GCN1: variants seen among roughly 807,000 people sequenced by gnomAD.
GCN1 encodes the protein stalled ribosome sensor GCN1.
Under a neutral mutation model 288.4 loss-of-function variants are expected in GCN1, and 90 were observed. That is an observed-to-expected ratio of 0.31 (90% CI 0.26 to 0.37). The LOEUF (loss-of-function observed/expected upper bound fraction) is 0.37, where lower values mean the gene tolerates loss of function less well. GCN1 is among the 10% of genes least tolerant of loss of function. The probability of loss-of-function intolerance (pLI) is 1.00; values close to 1 mark genes in which losing one functional copy is unlikely to be tolerated. For missense variants in GCN1, 2,586 were observed against 3,419.9 expected (o/e 0.76, Z 6.08); for synonymous variants, 1,386 against 1,420.2 (o/e 0.98, Z 0.54).
rs185561065 is a variant in GCN1, at chr12:120,163,716, C to G, written c.1849-457G>C. On this transcript the variant is annotated intron_variant, in intron 18 of 57. Transcript: ENST00000300648. ...TTCATATGACACAAGAATAACAAGC[C>G]CTATTTGCCTTTGAAACGCATTGTT... 2.4e-3 allele frequency among the ~76,000 whole-genome samples: 359 copies of G among 152,150 alleles called. 1 individual carries two copies. The highest frequency in any genetic ancestry group is 3.6e-3 in the Non-Finnish European group (247 of 67,996).
rs926216558 is a variant in GCN1, at chr12:120,152,706, G to A, written c.4062+507C>T. 3.4e-5 allele frequency among the ~76,000 whole-genome samples: 5 copies of A among 146,356 alleles called. No individual in the cohort carries two copies. In the East Asian group the frequency reaches 5.9e-4, roughly 17 times the overall value. The stretch of plus-strand genomic sequence containing the variant: ...TATATATTTATATATACATACATGC[G>A]TGTTTTTCAAAACAAAGAAAAAGAA... On this transcript the variant is annotated intron_variant, in intron 33 of 57. Transcript: ENST00000300648.
intron 5 of GCN1, among the ~76,000 whole-genome samples, chr12:120,180,022 G>C (rs890152445): frequency 1.3e-5 from 2 of 152,146 alleles, no homozygotes; most frequent in African/African-American, 4.8e-5. Context: ...AAATCTCAGA[G>C]GCTGCCAGGC....
At chr12:120,164,612 G>T in intron 17 of GCN1, 34 bp downstream of exon 17, 1 of 1,604,020 alleles carries the variant, frequency 6.2e-7, no homozygotes, top group Non-Finnish European at 8.5e-7. Context: ...TGCCTCATTT[G>T]GCCCAAAAGA....
chr12:120,136,155 G>A (rs547827602), intron 51 of GCN1, among the ~76,000 whole-genome samples: 3 of 152,158 alleles, frequency 2.0e-5, no homozygotes, highest in Admixed American at 6.5e-5. Context: ...CATTTCACAT[G>A]TACTGAGTGC....
At chr12:120,136,799 G>A (rs1188407055) in intron 50 of GCN1, 67 bp from the exon 51 acceptor site, 7 of 1,180,520 alleles carry the variant, frequency 5.9e-6, no homozygotes, top group South Asian at 2.6e-5. Context: ...TCCCATGCAA[G>A]CAAAGTGGTC....
chr12:120,187,056 ACT>A (rs774005953), intron 2 of GCN1, among the ~76,000 whole-genome samples: 6 of 151,928 alleles, frequency 3.9e-5, no homozygotes, highest in Non-Finnish European at 7.4e-5. Flanking sequence ...CACACAAGAG[ACT>A]CTCTGAGACG....
At chr12:120,143,591 A>G (rs1024299946) in intron 42 of GCN1, among the ~76,000 whole-genome samples, 1 of 151,738 alleles carries the variant, frequency 6.6e-6, no homozygotes, top group Non-Finnish European at 1.5e-5. Context: ...CAAAAAGGAA[A>G]AAAAAAAAAA....
chr12:120,161,145 C>T (rs938888902), intron 22 of GCN1, among the ~76,000 whole-genome samples: 12 of 152,186 alleles, frequency 7.9e-5, no homozygotes, highest in Non-Finnish European at 1.2e-4. Flanking sequence ...CCCACTGTAC[C>T]AGGCGCTGTG....
Position 120,127,684 on chromosome 12 carries a change from A to G in GCN1, c.*165T>C. The G allele has an allele frequency of 1.3e-6, 1 of 774,094 alleles. No individual in the cohort carries two copies. Among genetic ancestry groups the G allele is most frequent in the Non-Finnish European group, 2.1e-6 (1 of 478,392 alleles). 48.0% of individuals were successfully genotyped at this position (774,094 alleles called of 1,614,324 possible). ...GTGAGAGATGGAGGAGGCAATTTTCAGTTGTGTGTGGGTTTGATTTAAGGC... is the reference window on the plus strand; with the variant it reads ...GTGAGAGATGGAGGAGGCAATTTTCGGTTGTGTGTGGGTTTGATTTAAGGC... On this transcript the variant is annotated 3_prime_UTR_variant, in exon 58 of 58. Transcript: ENST00000300648.
intron 14 of GCN1, among the ~76,000 whole-genome samples, chr12:120,172,852 AAAAG>A (rs1044424690): frequency 1.3e-5 from 2 of 152,200 alleles, no homozygotes; most frequent in Admixed American, 6.5e-5. Flanking sequence ...AATCTTTTTA[AAAAG>A]AAATACAAGC....
chr12:120,186,072 G>T (rs1051268456), intron 2 of GCN1, among the ~76,000 whole-genome samples: 3 of 151,956 alleles, frequency 2.0e-5, no homozygotes, highest in Non-Finnish European at 4.4e-5. Context: ...AGTGGCTCAC[G>T]CCTGTAATCC....
intron 37 of GCN1, 64 bp from the exon 38 acceptor site, chr12:120,147,336 C>T (rs1877394899): frequency 2.3e-6 from 2 of 864,374 alleles, no homozygotes; most frequent in African/African-American, 3.3e-5. Context: ...GCCCCTGGGC[C>T]CCCAGAACTA....
In GCN1 at chr12:120,177,157, G is replaced by A. The variant is rs143450602; in HGVS notation, c.838+290C>T. On this transcript the variant is annotated intron_variant, in intron 9 of 57. Transcript: ENST00000300648. ...GGCTCACTGCAACTTCCACTTCCTG[G>A]GCTCAAGCTATCCTCCCACATCAGC... 6.5e-3 allele frequency among the ~76,000 whole-genome samples: 989 copies of A among 152,172 alleles called. 22 individuals carry two copies. The highest frequency in any genetic ancestry group is 0.053 in the Admixed American group (816 of 15,274).
At position 120,131,861 on chromosome 12, in the gene GCN1, C is replaced by A. The variant is rs1876835777; in HGVS notation, c.7414+65G>T. 3.1e-6 allele frequency: 3 copies of A among 966,208 alleles called. No homozygotes were observed. In the Admixed American group the frequency reaches 6.0e-5, roughly 19 times the overall value. 59.9% of individuals were successfully genotyped at this position (966,208 alleles called of 1,614,324 possible). A position where few individuals can be genotyped will look rare whatever the true frequency, so the allele number is the denominator to read the frequency against. ...TCCTCTGAGGGAGGGAGGGAGATGC[C>A]CGTCGACTCTTCGCTAGGGCTGAGA... is the stretch of plus-strand genomic sequence containing the variant. On this transcript the variant is annotated intron_variant, in intron 54 of 57. Transcript: ENST00000300648.
rs770407627 is a variant in GCN1 at position 120,183,691 on chromosome 12, T to G, written c.318-14A>C. 3 of 1,522,872 alleles carry G rather than the reference T, an allele frequency of 2.0e-6. No individual in the cohort carries two copies. The highest frequency in any genetic ancestry group is 1.7e-5 in the Admixed American group (1 of 59,880). The allele number at this position is 1,522,872 out of a possible 1,614,324, so 94.3% of individuals were successfully genotyped here. On this transcript the variant is annotated splice_polypyrimidine_tract_variant and intron_variant, in intron 4 of 57. Coordinates refer to ENST00000300648, the MANE Select transcript of GCN1 (RefSeq NM_006836.2). Reference sequence around the variant, plus strand: ...CCACTGCTCTTACTGCAGAGCAGAGTTGGGGATGAGTTCAGAGCAGCAGCC... The same window carrying G: ...CCACTGCTCTTACTGCAGAGCAGAGGTGGGGATGAGTTCAGAGCAGCAGCC...
Position 120,137,569 on chromosome 12 carries a change from C to T in GCN1, c.6639G>A (p.Trp2213Ter). Residue 2213 changes from tryptophan (W) to a stop codon, truncating the protein, a stop_gained, in exon 49 of 58, where the codon TGG becomes TGA. Coordinates refer to ENST00000300648, the MANE Select transcript of GCN1 (RefSeq NM_006836.2). LOFTEE classifies it high-confidence loss of function. This position sits in a 1 kb window ranked among gnomAD's most constrained non-coding sequence, Gnocchi z 5.2. ...DSSPVVLEES[W>*]DALNAITKKL... ...CCTTAGTGATGGCATTTAGGGCATC[C>T]CAGCTCTCCTCCAGAACCACAGGGC... 1 of 1,614,134 alleles carries T rather than the reference C, an allele frequency of 6.2e-7. No homozygotes were observed. The highest frequency in any genetic ancestry group is 8.5e-7 in the Non-Finnish European group (1 of 1,180,016).
At chr12:120,190,564 G>A (rs769422785) in intron 1 of GCN1, among the ~76,000 whole-genome samples, 164 bp from the exon 2 acceptor site, 12 of 152,076 alleles carry the variant, frequency 7.9e-5, no homozygotes, top group Non-Finnish European at 1.5e-4. Context: ...TGGGGGCCGT[G>A]TTTTTAGCAG....
At position 120,153,703 on chromosome 12, in the gene GCN1, C is replaced by G; in HGVS notation, c.3867+41G>C. On this transcript the variant is annotated intron_variant, in intron 32 of 57. Coordinates refer to ENST00000300648, the MANE Select transcript of GCN1 (RefSeq NM_006836.2). The surrounding 1 kb of genome is among the most constrained non-coding windows in gnomAD (Gnocchi z 4.4). The stretch of plus-strand genomic sequence containing the variant: ...TGTCTCCTTAGCGGGCTGGGACCCC[C>G]TTACCTTCCCGTGGGTGTTCCCTGG... 1.9e-6 allele frequency: 3 copies of G among 1,597,412 alleles called. No individual in the cohort carries two copies. The highest frequency in any genetic ancestry group is 2.6e-6 in the Non-Finnish European group (3 of 1,168,148).
At chr12:120,148,380 C>G in intron 36 of GCN1, 34 bp from the exon 37 acceptor site, 1 of 1,580,270 alleles carries the variant, frequency 6.3e-7, no homozygotes, top group Non-Finnish European at 8.7e-7. Context: ...AGTACTGAAT[C>G]ACTGAGCAAA....
Sources: gnomAD v4.1 joint callset for allele counts (sites outside exome capture counted in the v4.1 genomes callset) on GRCh38, gnomAD v4.1.1 for gene constraint, Gnocchi (gnomAD v3.1) non-coding constraint, MANE v1.5 for transcripts, NCBI Gene and HGNC (gene_info 2026-07-23, HGNC 2026-07-21) for gene names.